ALK: variants seen among roughly 807,000 people sequenced by gnomAD.
ALK encodes the protein ALK receptor tyrosine kinase.
In ALK, 74 loss-of-function variants were observed where a neutral mutation model predicts 163.1. The ratio of observed to expected loss-of-function variants is 0.45; its 90% CI spans 0.38 to 0.55. The LOEUF (loss-of-function observed/expected upper bound fraction) is 0.55, where lower values mean the gene tolerates loss of function less well. Ranked by LOEUF, ALK falls within the 20% of genes least tolerant of loss-of-function variation. ALK has a pLI of 0.00. For synonymous variants in ALK, 960 were observed against 843.2 expected (o/e 1.14, Z -2.40); for missense variants, 2,063 against 2,105.3 (o/e 0.98, Z 0.39).
Position 29,331,603 on chromosome 2 carries a change from C to T in ALK, c.1283-3122G>A, listed in dbSNP as rs539809151. Among the ~76,000 whole-genome samples, 10 of 152,302 alleles carry T rather than the reference C, an allele frequency of 6.6e-5. No homozygotes were observed. The East Asian group carries it at 1.7e-3, about 26-fold the overall frequency. On this transcript the variant is annotated intron_variant, in intron 5 of 28. Transcript: ENST00000389048. Reference sequence around the variant, plus strand: ...CTCTTGGAAGCTAGAAGGTAAAACGCCTTTCTGCACACACTGGTGCTGGTC... The same window carrying T: ...CTCTTGGAAGCTAGAAGGTAAAACGTCTTTCTGCACACACTGGTGCTGGTC...
At chr2:29,663,185 C>G (rs758994800) in intron 3 of ALK, among the ~76,000 whole-genome samples, 1 of 152,126 alleles carries the variant, frequency 6.6e-6, no homozygotes, top group Non-Finnish European at 1.5e-5. Flanking sequence ...CATTGGAACT[C>G]CTCATATTCA....
intron 1 of ALK, among the ~76,000 whole-genome samples, chr2:29,744,780 G>A (rs1680164540): frequency 2.0e-5 from 3 of 151,992 alleles, no homozygotes; most frequent in Admixed American, 2.0e-4. Flanking sequence ...TGGCCACTTG[G>A]CTTTTTTACA....
At chr2:29,769,823 G>C (rs1342556879) in intron 1 of ALK, among the ~76,000 whole-genome samples, 1 of 152,238 alleles carries the variant, frequency 6.6e-6, no homozygotes, top group Non-Finnish European at 1.5e-5. Flanking sequence ...CAGCGGTTTA[G>C]ATACTGGGCA....
intron 5 of ALK, among the ~76,000 whole-genome samples, chr2:29,347,449 A>G (rs1485133109): frequency 6.6e-6 from 1 of 152,146 alleles, no homozygotes; most frequent in East Asian, 1.9e-4. Flanking sequence ...GTGGGGTGTG[A>G]ATGGTCAGGA....
At chr2:29,193,973 G>T (rs747659635) in intron 28 of ALK, 51 bp from the exon 29 acceptor site, 1 of 1,530,658 alleles carries the variant, frequency 6.5e-7, no homozygotes, top group East Asian at 2.3e-5. Flanking sequence ...AAAAATGTTG[G>T]ATCTAGAAGA....
intron 11 of ALK, among the ~76,000 whole-genome samples, chr2:29,258,091 C>T (rs1367043488): frequency 6.6e-6 from 1 of 152,152 alleles, no homozygotes; most frequent in East Asian, 1.9e-4. Flanking sequence ...CATGGCCTCC[C>T]AAAGTGGTGT....
At chr2:29,442,152 T>A (rs1212228511) in intron 4 of ALK, among the ~76,000 whole-genome samples, 2 of 151,974 alleles carry the variant, frequency 1.3e-5, no homozygotes, top group East Asian at 1.9e-4. Flanking sequence ...TTCCACTCCA[T>A]TATAATCCTC....
At chr2:29,503,725 A>C (rs1250269336) in intron 4 of ALK, among the ~76,000 whole-genome samples, 1 of 152,108 alleles carries the variant, frequency 6.6e-6, no homozygotes, top group Non-Finnish European at 1.5e-5. Flanking sequence ...CATGGCTGGG[A>C]TGTGGGCATG....
chr2:29,250,285 G>A (rs1664783633), intron 12 of ALK, among the ~76,000 whole-genome samples: 1 of 152,198 alleles, frequency 6.6e-6, no homozygotes, highest in South Asian at 2.1e-4. Flanking sequence ...GACTCTCTGA[G>A]CCTCAGTGTC....
chr2:29,696,960 T>C (rs371614112), intron 2 of ALK, among the ~76,000 whole-genome samples: 2 of 146,976 alleles, frequency 1.4e-5, no homozygotes, highest in East Asian at 4.1e-4. Context: ...ATAAAAACAA[T>C]AAAAAACCCT....
intron 4 of ALK, among the ~76,000 whole-genome samples, chr2:29,512,413 T>C (rs962013880): frequency 6.7e-6 from 1 of 148,700 alleles, no homozygotes; most frequent in Non-Finnish European, 1.5e-5. Context: ...ATTATCTCAA[T>C]AGATGCAGAA....
intron 5 of ALK, among the ~76,000 whole-genome samples, chr2:29,373,741 G>A (rs893332789): frequency 1.3e-5 from 2 of 152,202 alleles, no homozygotes; most frequent in African/African-American, 4.8e-5. Context: ...TTTCCTTCCT[G>A]GTTCCACCTG....
intron 3 of ALK, among the ~76,000 whole-genome samples, chr2:29,671,565 A>G (rs1433545765): frequency 6.6e-6 from 1 of 152,058 alleles, no homozygotes. Context: ...AAGCTGGTTG[A>G]CCACCTCAAT....
At chr2:29,739,439 T>C (rs570455259) in intron 1 of ALK, among the ~76,000 whole-genome samples, 89 of 151,468 alleles carry the variant, frequency 5.9e-4, no homozygotes, top group African/African-American at 2.0e-3. Flanking sequence ...GTGCCTGTAG[T>C]CTCAGCTACT....
chr2:29,921,341 G>A lies in ALK; in HGVS notation c.-682C>T, dbSNP rs1572505091. 8.6e-6 allele frequency: 2 copies of A among 233,114 alleles called. No homozygotes were observed. Among genetic ancestry groups the A allele is most frequent in the East Asian group, 1.2e-4 (2 of 16,568 alleles). 14.4% of individuals were successfully genotyped at this position (233,114 alleles called of 1,614,324 possible). On this transcript the variant is annotated 5_prime_UTR_variant, in exon 1 of 29. Coordinates refer to ENST00000389048, the MANE Select transcript of ALK (RefSeq NM_004304.5). ...TTGCAGCGTCCTTGCTCTCACCGGCGCCTCGGCTCCTCAGAGTTCGCAGGC... is the reference window on the plus strand; with the variant it reads ...TTGCAGCGTCCTTGCTCTCACCGGCACCTCGGCTCCTCAGAGTTCGCAGGC...
intron 1 of ALK, among the ~76,000 whole-genome samples, chr2:29,876,516 G>A (rs111206629): frequency 2.0e-5 from 3 of 152,018 alleles, no homozygotes; most frequent in African/African-American, 7.2e-5. Flanking sequence ...TAATGGTAAT[G>A]ATGATGGTGA....
intron 11 of ALK, among the ~76,000 whole-genome samples, chr2:29,266,418 A>G (rs752049786): frequency 6.6e-6 from 1 of 152,260 alleles, no homozygotes; most frequent in Non-Finnish European, 1.5e-5. Flanking sequence ...CTGTAAATGC[A>G]CTGAATATTT....
intron 3 of ALK, among the ~76,000 whole-genome samples, chr2:29,573,552 A>G (rs1268950824): frequency 6.6e-6 from 1 of 152,262 alleles, no homozygotes; most frequent in African/African-American, 2.4e-5. Flanking sequence ...TGTAAAAATT[A>G]TATGAAATTC....
At chr2:29,836,368 C>A (rs1019722879) in intron 1 of ALK, among the ~76,000 whole-genome samples, 2 of 152,162 alleles carry the variant, frequency 1.3e-5, no homozygotes, top group Non-Finnish European at 2.9e-5. Context: ...TAGAGAGGGG[C>A]TCTCTGCTAA....
Sources: gnomAD v4.1 joint callset for allele counts (sites outside exome capture counted in the v4.1 genomes callset) on GRCh38, gnomAD v4.1.1 for gene constraint, MANE v1.5 for transcripts, NCBI Gene and HGNC (gene_info 2026-07-23, HGNC 2026-07-21) for gene names.